SLC6A5: variants seen among roughly 807,000 people sequenced by gnomAD.
SLC6A5 encodes solute carrier family 6 member 5.
SLC6A5 carries 58 observed loss-of-function variants against 90.5 expected under a neutral mutation model. That is an observed-to-expected ratio of 0.64 (90% CI 0.52 to 0.80). The LOEUF (loss-of-function observed/expected upper bound fraction) is 0.80. Ranked by LOEUF, SLC6A5 falls within the 30% of genes least tolerant of loss-of-function variation. The pLI, the probability that SLC6A5 is intolerant of heterozygous loss-of-function variation, is 0.00. For synonymous variants in SLC6A5, 427 were observed against 401.4 expected, an observed-to-expected ratio of 1.06 and a Z score of -0.76; for missense variants, 1,015 against 1,017.6, an observed-to-expected ratio of 1.00 and a Z score of 0.03.
intron 14 of SLC6A5, among the ~76,000 whole-genome samples, chr11:20,648,256 G>C (rs1025582968): frequency 1.3e-5 from 2 of 152,176 alleles, no homozygotes; most frequent in Admixed American, 1.3e-4. Context: ...CAGGATGAAA[G>C]TACAATCGCA....
intron 10 of SLC6A5, 100 bp from the exon 11 acceptor site, chr11:20,636,207 G>A: frequency 1.3e-6 from 1 of 755,528 alleles, no homozygotes; most frequent in Non-Finnish European, 2.4e-6. Flanking sequence ...CATATAAGAA[G>A]TAATAAATGA....
intron 10 of SLC6A5, 32 bp downstream of exon 10, chr11:20,630,847 GGCA>G: frequency 6.2e-7 from 1 of 1,613,082 alleles, no homozygotes; most frequent in Non-Finnish European, 8.5e-7. Flanking sequence ...GCTGTTGCAG[GGCA>G]GGTCCCAGGC....
chr11:20,614,221 A>G (rs1229217354), intron 5 of SLC6A5, among the ~76,000 whole-genome samples: 2 of 152,162 alleles, frequency 1.3e-5, no homozygotes, highest in Non-Finnish European at 2.9e-5. Context: ...AATTCGTTTC[A>G]GCAATTTATT....
intron 14 of SLC6A5, among the ~76,000 whole-genome samples, chr11:20,651,553 A>G (rs1002800605): frequency 9.9e-5 from 15 of 150,998 alleles, no homozygotes; most frequent in Non-Finnish European, 1.2e-4. Context: ...GATTACAGGC[A>G]TGAGCCACTG....
rs1039028455 is a variant in SLC6A5, at chr11:20,638,896, G to A, written c.1969+338G>A. On this transcript the variant is annotated intron_variant, in intron 13 of 15. Coordinates refer to ENST00000525748, the MANE Select transcript of SLC6A5 (RefSeq NM_004211.5). ...GAAAGGAGGAGGCTACTTTGCAGGC[G>A]TGAAATTATTTCCTGGTATTCAATA... 5.9e-5 allele frequency among the ~76,000 whole-genome samples: 9 copies of A among 152,326 alleles called. No homozygotes were observed. In the South Asian group the frequency reaches 8.3e-4, roughly 14 times the overall value.
At chr11:20,638,361 G>A (rs1590175827) in intron 12 of SLC6A5, 98 bp from the exon 13 acceptor site, 1 of 790,470 alleles carries the variant, frequency 1.3e-6, no homozygotes, top group East Asian at 2.5e-5. Flanking sequence ...GTTTGCACCT[G>A]ACTCTTTTTA....
chr11:20,608,507 A>G (rs1248098740), intron 5 of SLC6A5, among the ~76,000 whole-genome samples: 1 of 152,202 alleles, frequency 6.6e-6, no homozygotes, highest in Non-Finnish European at 1.5e-5. Flanking sequence ...TTCTTCCTCT[A>G]CCTACCTTGT....
rs1486642397 is a variant in SLC6A5 at position 20,652,422 on chromosome 11, T to C, written c.2204T>C (p.Ile735Thr). ...ATCTGGATCCCAATTATGTTTGTGA[T>C]AAAAATGCATCTGGCCCCTGGAAGA... ...SVIWIPIMFV[I>T]KMHLAPGRFI... is the part of the protein sequence containing the mutation. The change falls in exon 15 of 16, where the codon ATA becomes ACA. Residue 735 changes from isoleucine to threonine, a missense_variant. Around this residue, in one of 3 missense-constraint regions of SLC6A5, gnomAD observed 442 missense variants for 494.3 expected, o/e 0.89. Transcript: ENST00000525748. 1.2e-6 allele frequency: 2 copies of C among 1,614,154 alleles called. No individual in the cohort carries two copies. The highest frequency in any genetic ancestry group is 1.7e-6 in the Non-Finnish European group (2 of 1,180,002).
intron 6 of SLC6A5, 133 bp from the exon 7 acceptor site, chr11:20,617,619 T>G: frequency 1.3e-6 from 1 of 773,088 alleles, no homozygotes; most frequent in African/African-American, 1.7e-5. Context: ...AGGTTCCTGA[T>G]GGTGGGGTGG....
chr11:20,604,976 G>A (rs1852550198), intron 3 of SLC6A5, among the ~76,000 whole-genome samples: 1 of 152,164 alleles, frequency 6.6e-6, no homozygotes, highest in African/African-American at 2.4e-5. Flanking sequence ...ATCTTACAGC[G>A]AAAACAAGTT....
At chr11:20,608,950 C>CTG (rs1852639975) in intron 5 of SLC6A5, among the ~76,000 whole-genome samples, 1 of 81,066 alleles carries the variant, frequency 1.2e-5, no homozygotes, top group South Asian at 4.6e-4. Context: ...CTCTCTCTCT[C>CTG]TCTCTCTCTG....
At chr11:20,642,871 G>A (rs1310148537) in intron 13 of SLC6A5, among the ~76,000 whole-genome samples, 2 of 152,196 alleles carry the variant, frequency 1.3e-5, no homozygotes, top group East Asian at 3.9e-4. Context: ...CAGGGGAAAT[G>A]TCTTTCCGGG....
rs1395533115 is a variant in SLC6A5, at chr11:20,599,666, G to C, written c.-7G>C. 1 of 1,614,088 alleles carries C rather than the reference G, an allele frequency of 6.2e-7. No homozygotes were observed. Among genetic ancestry groups the C allele is most frequent in the East Asian group, 2.2e-5 (1 of 44,882 alleles). ...TCCACCAGTTCAGTCTGTTGCCTGT[G>C]TCAGACATGGTGAGTGTTTGCTTTT... On this transcript the variant is annotated 5_prime_UTR_variant, in exon 1 of 16. Transcript: ENST00000525748.
At chr11:20,603,836 G>A (rs1852523722) in intron 2 of SLC6A5, among the ~76,000 whole-genome samples, 1 of 152,014 alleles carries the variant, frequency 6.6e-6, no homozygotes, top group Non-Finnish European at 1.5e-5. Context: ...TTTTTTGTGG[G>A]AGAGGGTTAA....
chr11:20,639,138 T>C (rs1246712403), intron 13 of SLC6A5, among the ~76,000 whole-genome samples: 1 of 152,166 alleles, frequency 6.6e-6, no homozygotes, highest in Non-Finnish European at 1.5e-5. Context: ...AGTGGGGCCA[T>C]TATCAACAAC....
At chr11:20,646,253 C>A (rs1853412766) in intron 13 of SLC6A5, among the ~76,000 whole-genome samples, 1 of 152,146 alleles carries the variant, frequency 6.6e-6, no homozygotes, top group African/African-American at 2.4e-5. Context: ...ACCAAGAAGA[C>A]AGCAGTCCTT....
chr11:20,648,134 G>A (rs570054584), intron 14 of SLC6A5, among the ~76,000 whole-genome samples: 21 of 152,236 alleles, frequency 1.4e-4, no homozygotes, highest in African/African-American at 4.3e-4. Context: ...TGGGAACGCT[G>A]GAGGATGTTG....
chr11:20,636,861 G>GT (rs985555607), intron 11 of SLC6A5, among the ~76,000 whole-genome samples: 8 of 152,220 alleles, frequency 5.3e-5, no homozygotes, highest in Admixed American at 5.2e-4. Flanking sequence ...CAAATGCAAG[G>GT]TAAACTGGAG....
chr11:20,653,691 T>G (rs953718610), intron 15 of SLC6A5, among the ~76,000 whole-genome samples: 1 of 152,222 alleles, frequency 6.6e-6, no homozygotes, highest in Non-Finnish European at 1.5e-5. Context: ...CAGGAAATTC[T>G]GTTATTCCCT....
Sources: gnomAD v4.1 joint callset for allele counts (sites outside exome capture counted in the v4.1 genomes callset) on GRCh38, gnomAD v4.1.1 for gene constraint, gnomAD v4.1.1 regional missense constraint, MANE v1.5 for transcripts, NCBI Gene and HGNC (gene_info 2026-07-23, HGNC 2026-07-21) for gene names.